RAB38: variants seen among roughly 807,000 people sequenced by gnomAD.
RAB38 encodes the protein RAB38, member RAS oncogene family, also known as ras-related protein Rab-38.
In RAB38, 15 loss-of-function variants were observed where a neutral mutation model predicts 18.4. That is an observed-to-expected ratio of 0.82 (90% CI 0.55 to 1.26). The LOEUF (loss-of-function observed/expected upper bound fraction) is 1.26. RAB38 is among the 50% of genes most tolerant of loss of function. The pLI, the probability that RAB38 is intolerant of heterozygous loss-of-function variation, is 0.00. For synonymous variants in RAB38, 101 were observed against 104.4 expected (o/e 0.97, Z 0.20); for missense variants, 294 against 267.4 (o/e 1.10, Z -0.69).
chr11:87,960,842 C>A, the RAB38 span, among the ~76,000 whole-genome samples: 1 of 152,196 alleles, frequency 6.6e-6, no homozygotes, highest in Admixed American at 6.5e-5. Flanking sequence ...ATCCCTAAGC[C>A]TGTTTTGCCC....
At chr11:88,167,061 T>C (rs1319732466) in intron 1 of RAB38, 1 of 152,168 alleles carries the variant, frequency 6.6e-6, no homozygotes, top group African/African-American at 2.4e-5. Context: ...TAGTAAACTA[T>C]TTCTATCTGG....
the RAB38 span, among the ~76,000 whole-genome samples, chr11:87,943,969 A>G: frequency 5.3e-5 from 8 of 152,278 alleles, no homozygotes; most frequent in East Asian, 1.5e-3. Context: ...CATTCAATTC[A>G]AAAAGTTTTT....
chr11:88,132,607 G>A (rs923943270), intron 2 of RAB38, among the ~76,000 whole-genome samples: 9 of 152,066 alleles, frequency 5.9e-5, no homozygotes, highest in South Asian at 2.1e-4. Flanking sequence ...ACAAGCATGC[G>A]CCACCATGCC....
chr11:87,859,561 A>G, the RAB38 span, among the ~76,000 whole-genome samples: 1 of 152,046 alleles, frequency 6.6e-6, no homozygotes, highest in African/African-American at 2.4e-5. Context: ...TTAATCGCAC[A>G]TACCTTTAAA....
intron 1 of RAB38, among the ~76,000 whole-genome samples, chr11:88,162,760 T>G (rs1450948477): frequency 6.6e-6 from 1 of 152,122 alleles, no homozygotes; most frequent in African/African-American, 2.4e-5. Flanking sequence ...CTGTGGGATT[T>G]CTGAGGTCGC....
At chr11:88,141,271 T>G (rs1010780858) in intron 2 of RAB38, among the ~76,000 whole-genome samples, 4 of 152,086 alleles carry the variant, frequency 2.6e-5, no homozygotes, top group Admixed American at 2.6e-4. Context: ...CCAGAGGACA[T>G]TTGGCAATGT....
chr11:87,865,798 G>A, the RAB38 span, among the ~76,000 whole-genome samples: 1 of 151,714 alleles, frequency 6.6e-6, no homozygotes, highest in Admixed American at 6.6e-5. Flanking sequence ...ATATATGACA[G>A]AAAGAGGAAG....
At chr11:88,067,938 C>T in the RAB38 span, among the ~76,000 whole-genome samples, 2 of 146,604 alleles carry the variant, frequency 1.4e-5, no homozygotes, top group Non-Finnish European at 1.5e-5. Flanking sequence ...TACACACACA[C>T]ATATATATAC....
the RAB38 span, among the ~76,000 whole-genome samples, chr11:87,900,809 A>G: frequency 4.6e-5 from 7 of 151,474 alleles, no homozygotes; most frequent in Non-Finnish European, 8.9e-5. Flanking sequence ...TAAGAAATAA[A>G]GCAAAAAAGG....
chr11:88,174,036 A>G (rs1425546144), intron 1 of RAB38: 1 of 985,296 alleles, frequency 1.0e-6, no homozygotes, highest in Non-Finnish European at 1.2e-6. Flanking sequence ...TTATAACGAA[A>G]GGTTCCTGGT....
chr11:88,056,090 C>T, the RAB38 span, among the ~76,000 whole-genome samples: 2 of 152,012 alleles, frequency 1.3e-5, no homozygotes, highest in Non-Finnish European at 2.9e-5. Flanking sequence ...TTTTAGCTCT[C>T]CTCTGGATTA....
chr11:88,137,555 G>A (rs1942851997), intron 2 of RAB38, among the ~76,000 whole-genome samples: 1 of 152,072 alleles, frequency 6.6e-6, no homozygotes, highest in Non-Finnish European at 1.5e-5. Context: ...CTGAAAATAT[G>A]TGAAAAAATC....
At chr11:88,108,956 G>C (rs989159675), downstream of RAB38, among the ~76,000 whole-genome samples, 1 of 152,158 alleles carries the variant, frequency 6.6e-6, no homozygotes, top group East Asian at 1.9e-4. Flanking sequence ...AGAATGTTGA[G>C]TATTGGCCCC....
chr11:87,977,453 C>A, the RAB38 span, among the ~76,000 whole-genome samples: 1 of 85,604 alleles, frequency 1.2e-5, no homozygotes, highest in Non-Finnish European at 2.2e-5. Context: ...AATTATATTA[C>A]ATAATATAAT....
rs1942826913 is a variant in RAB38 at position 88,135,666 on chromosome 11, T to C, written c.483+14009A>G. On this transcript the variant is annotated intron_variant, in intron 2 of 2. Transcript: ENST00000243662. ...TTACAAAAATCTGAAACACAAAATCTAAACTTATTACCAGATGAAATAGAA... is the reference window on the plus strand; with the variant it reads ...TTACAAAAATCTGAAACACAAAATCCAAACTTATTACCAGATGAAATAGAA... 7.2e-5 allele frequency among the ~76,000 whole-genome samples: 11 copies of C among 152,200 alleles called. 1 individual carries two copies. In the South Asian group the frequency reaches 2.1e-3, roughly 29 times the overall value.
intron 2 of RAB38, among the ~76,000 whole-genome samples, chr11:88,121,584 A>G (rs1378607311): frequency 6.6e-6 from 1 of 151,124 alleles, no homozygotes; most frequent in Non-Finnish European, 1.5e-5. Context: ...TTTTTGTGAG[A>G]CGGAGCCTCG....
chr11:87,929,355 CT>C, the RAB38 span, among the ~76,000 whole-genome samples: 285 of 147,732 alleles, frequency 1.9e-3, 2 homozygotes, highest in East Asian at 0.03. Context: ...TATCTCATTC[CT>C]TTTTTTTTTC....
the RAB38 span, among the ~76,000 whole-genome samples, chr11:87,835,946 C>A: frequency 6.6e-6 from 1 of 152,176 alleles, no homozygotes; most frequent in African/African-American, 2.4e-5. Flanking sequence ...ACATCCAGGA[C>A]ATCTTTTCTT....
chr11:88,112,876 A>G (rs1355428004), downstream of RAB38, among the ~76,000 whole-genome samples: 2 of 152,120 alleles, frequency 1.3e-5, no homozygotes, highest in African/African-American at 4.8e-5. Context: ...AAAAAATAAT[A>G]GCTACCTGCA....
Sources: gnomAD v4.1 joint callset for allele counts (sites outside exome capture counted in the v4.1 genomes callset) on GRCh38, gnomAD v4.1.1 for gene constraint, MANE v1.5 for transcripts, NCBI Gene and HGNC (gene_info 2026-07-23, HGNC 2026-07-21) for gene names.